ETS1: variants seen among roughly 807,000 people sequenced by gnomAD.
The protein encoded by ETS1 is ETS proto-oncogene 1, transcription factor.
A neutral mutation model predicts 58.6 loss-of-function variants in ETS1; 15 were observed. That is an observed-to-expected ratio of 0.26 (90% confidence interval 0.17 to 0.39). The LOEUF (loss-of-function observed/expected upper bound fraction) is 0.39, where lower values mean the gene tolerates loss of function less well. ETS1 is among the 10% of genes least tolerant of loss of function. The probability of loss-of-function intolerance (pLI) is 1.00; values close to 1 mark genes in which losing one functional copy is unlikely to be tolerated. For synonymous variants in ETS1, 214 were observed against 218.2 expected (o/e 0.98, Z 0.17); for missense variants, 417 against 610.5 (o/e 0.68, Z 3.34).
intron 5 of ETS1, among the ~76,000 whole-genome samples, chr11:128,487,472 G>C (rs1268564552): frequency 1.3e-5 from 2 of 152,194 alleles, no homozygotes; most frequent in Non-Finnish European, 2.9e-5. Flanking sequence ...CAGGCGCGGT[G>C]GCTCACGCCT....
intron 3 of ETS1, among the ~76,000 whole-genome samples, chr11:128,533,561 G>C (rs1214408689): frequency 1.3e-5 from 2 of 152,158 alleles, no homozygotes; most frequent in Non-Finnish European, 2.9e-5. Context: ...GCAATCCCTT[G>C]AACACACTCT....
chr11:128,566,782 CAA>C (rs1160160715), intron 2 of ETS1, among the ~76,000 whole-genome samples: 30 of 102,684 alleles, frequency 2.9e-4, no homozygotes, highest in Admixed American at 5.1e-4. Context: ...GACACCGTCT[CAA>C]AAAAAAAAAA....
chr11:128,490,720 T>TC, intron 3 of ETS1, 144 bp from the exon 4 acceptor site: 1 of 553,114 alleles, frequency 1.8e-6, no homozygotes. Flanking sequence ...GGCAATTTTT[T>TC]TTTTTTTTTT....
At chr11:128,480,549 T>A in intron 7 of ETS1, 98 bp from the exon 8 acceptor site, 1 of 806,032 alleles carries the variant, frequency 1.2e-6, no homozygotes, top group Non-Finnish European at 2.0e-6. Flanking sequence ...AGATTGCTAA[T>A]CAGATCTGCA....
intron 3 of ETS1, among the ~76,000 whole-genome samples, chr11:128,516,333 C>T (rs1257504380): frequency 6.6e-6 from 1 of 152,194 alleles, no homozygotes; most frequent in Admixed American, 6.5e-5. Context: ...TTAAGAACAG[C>T]TTAACAGCTG....
intron 3 of ETS1, among the ~76,000 whole-genome samples, chr11:128,508,296 A>G (rs916379321): frequency 1.2e-4 from 19 of 152,326 alleles, no homozygotes; most frequent in African/African-American, 4.3e-4. Flanking sequence ...AAAGTATAAA[A>G]GTTTTCACAG....
At chr11:128,494,261 G>A (rs1316109001) in intron 3 of ETS1, among the ~76,000 whole-genome samples, 1 of 152,192 alleles carries the variant, frequency 6.6e-6, no homozygotes, top group Non-Finnish European at 1.5e-5. Context: ...ACTGGAAAAT[G>A]AGGACATAAA....
At chr11:128,550,164 G>A (rs1288017313) in intron 3 of ETS1, among the ~76,000 whole-genome samples, 3 of 152,242 alleles carry the variant, frequency 2.0e-5, no homozygotes, top group Non-Finnish European at 4.4e-5. Flanking sequence ...GTACCGGGAT[G>A]TGCTGCTGGG....
At chr11:128,470,199 T>C (rs768206866) in intron 8 of ETS1, among the ~76,000 whole-genome samples, 9 of 152,208 alleles carry the variant, frequency 5.9e-5, no homozygotes, top group Non-Finnish European at 1.0e-4. Context: ...GCCGAGTTCA[T>C]GTCTCTTGCA....
At chr11:128,541,044 C>A (rs1195010897) in intron 3 of ETS1, among the ~76,000 whole-genome samples, 4 of 152,190 alleles carry the variant, frequency 2.6e-5, no homozygotes, top group African/African-American at 9.7e-5. Flanking sequence ...CTCCTCAAGG[C>A]AAACCCCCTC....
intron 1 of ETS1, among the ~76,000 whole-genome samples, chr11:128,579,268 G>T (rs1390908577): frequency 6.6e-6 from 1 of 152,150 alleles, no homozygotes; most frequent in African/African-American, 2.4e-5. Context: ...AATTTGAATA[G>T]ATTTCCAATG....
intron 7 of ETS1, among the ~76,000 whole-genome samples, chr11:128,484,524 T>C (rs1024469819): frequency 2.0e-5 from 3 of 152,214 alleles, no homozygotes; most frequent in African/African-American, 7.2e-5. Flanking sequence ...CCTTTCAAAA[T>C]GACCAAATTC....
chr11:128,572,725 T>A (rs1216953100), intron 2 of ETS1, among the ~76,000 whole-genome samples: 1 of 152,188 alleles, frequency 6.6e-6, no homozygotes, highest in African/African-American at 2.4e-5. Context: ...ATAATATGTA[T>A]AGGAATAAGG....
At chr11:128,483,303 T>C (rs1325394307) in intron 7 of ETS1, among the ~76,000 whole-genome samples, 1 of 151,986 alleles carries the variant, frequency 6.6e-6, no homozygotes, top group African/African-American at 2.4e-5. Flanking sequence ...AAAGAGACAA[T>C]TACACAAATG....
At chr11:128,529,764 C>A (rs1427926150) in intron 3 of ETS1, among the ~76,000 whole-genome samples, 1 of 152,168 alleles carries the variant, frequency 6.6e-6, no homozygotes, top group Admixed American at 6.5e-5. Flanking sequence ...CAGTCATCCA[C>A]AAACATTTTA....
chr11:128,481,920 C>G (rs968241161), intron 7 of ETS1, among the ~76,000 whole-genome samples: 1 of 152,144 alleles, frequency 6.6e-6, no homozygotes, highest in Non-Finnish European at 1.5e-5. Context: ...CTGACCCCCT[C>G]TGGAACTGCT....
chr11:128,531,466 T>C (rs898194966), intron 3 of ETS1, among the ~76,000 whole-genome samples: 3 of 152,232 alleles, frequency 2.0e-5, no homozygotes, highest in Non-Finnish European at 4.4e-5. Flanking sequence ...AACTGTAGTA[T>C]ATAGTATTCT....
intron 6 of ETS1, among the ~76,000 whole-genome samples, chr11:128,485,706 A>C (rs538574236): frequency 2.4e-4 from 37 of 152,198 alleles, no homozygotes; most frequent in Non-Finnish European, 5.1e-4. Context: ...ACTAGTAAAA[A>C]GGAAAGAACA....
Position 128,558,518 on chromosome 11 carries a change from G to A in ETS1, c.70-2083C>T, listed in dbSNP as rs545195176. On this transcript the variant is annotated intron_variant, in intron 2 of 9. Transcript: ENST00000392668. The stretch of plus-strand genomic sequence containing the variant: ...AAATTAGCCAGGCGTGGTGGTGGGC[G>A]CCTGTAATCCCAGCTACTAGGGAGA... Among the ~76,000 whole-genome samples, 9 of 152,048 alleles carry A rather than the reference G, an allele frequency of 5.9e-5. No homozygotes were observed. The East Asian group carries it at 7.7e-4, about 13-fold the overall frequency.
Sources: gnomAD v4.1 joint callset for allele counts (sites outside exome capture counted in the v4.1 genomes callset) on GRCh38, gnomAD v4.1.1 for gene constraint, MANE v1.5 for transcripts, NCBI Gene and HGNC (gene_info 2026-07-23, HGNC 2026-07-21) for gene names.